NRG1: variants seen among roughly 807,000 people sequenced by gnomAD.
The protein encoded by NRG1 is pro-neuregulin-1, membrane-bound isoform.
In NRG1, 18 loss-of-function variants were observed where a neutral mutation model predicts 63.8. The observed-to-expected ratio is 0.28, with a 90% confidence interval of 0.19 to 0.42. The LOEUF (loss-of-function observed/expected upper bound fraction) is 0.42. Among genes scored for constraint, NRG1 ranks in the 10% least tolerant of loss-of-function variants. NRG1 has a pLI of 1.00. For synonymous variants in NRG1, 302 were observed against 301.3 expected (o/e 1.00, Z -0.02); for missense variants, 762 against 814.7 (o/e 0.94, Z 0.79).
At chr8:32,014,724 C>T (rs450488) in intron 1 of NRG1, among the ~76,000 whole-genome samples, 4 of 133,844 alleles carry the variant, frequency 3.0e-5, no homozygotes, top group East Asian at 2.2e-4. Flanking sequence ...AACCCCCCCC[C>T]AAAAAAGATG....
intron 1 of NRG1, among the ~76,000 whole-genome samples, chr8:32,032,502 G>A (rs1242282782): frequency 6.6e-6 from 1 of 152,178 alleles, no homozygotes; most frequent in Admixed American, 6.5e-5. Flanking sequence ...CTGACCTCAG[G>A]TGATCCACCT....
At chr8:32,361,636 C>T (rs7840327) in intron 1 of NRG1, among the ~76,000 whole-genome samples, 8,890 of 152,192 alleles carry the variant, frequency 0.058, 320 homozygotes, top group Middle Eastern at 0.099. Flanking sequence ...TACTTGGGTA[C>T]TTCCCCTTGG....
chr8:32,262,921 C>G (rs915920127), intron 1 of NRG1, among the ~76,000 whole-genome samples: 1 of 152,152 alleles, frequency 6.6e-6, no homozygotes, highest in African/African-American at 2.4e-5. Context: ...CTCATACCAT[C>G]CCTTTATCTA....
chr8:31,929,802 A>G (rs1314844667), intron 1 of NRG1, among the ~76,000 whole-genome samples: 1 of 152,154 alleles, frequency 6.6e-6, no homozygotes, highest in Non-Finnish European at 1.5e-5. Flanking sequence ...GTCTTACAAT[A>G]TATATATCAT....
At chr8:32,409,375 A>G (rs927959767) in intron 1 of NRG1, among the ~76,000 whole-genome samples, 5 of 152,220 alleles carry the variant, frequency 3.3e-5, no homozygotes, top group Admixed American at 2.6e-4. Context: ...CCCAAAAGCA[A>G]GCAAATGCAA....
At chr8:32,401,494 G>A (rs1813193943) in intron 1 of NRG1, among the ~76,000 whole-genome samples, 1 of 152,010 alleles carries the variant, frequency 6.6e-6, no homozygotes, top group Non-Finnish European at 1.5e-5. Context: ...CCACTGCTAT[G>A]TCCCTAACAC....
In NRG1 at chr8:32,628,681, A is replaced by G. The variant is rs148975503; in HGVS notation, c.502+11796A>G. Among the ~76,000 whole-genome samples the G allele has an allele frequency of 7.1e-3, 1,078 of 152,264 alleles. 11 individuals are homozygous for G. Among genetic ancestry groups the G allele is most frequent in the Non-Finnish European group, 0.012 (813 of 68,002 alleles). On this transcript the variant is annotated intron_variant, in intron 5 of 11. Coordinates refer to ENST00000356819, the Ensembl canonical transcript of NRG1. Reference sequence around the variant, plus strand: ...AAAAAAATGAAGAAAAATGGAAAGTAACATGCACTACATGTGTACACACAG... The same window carrying G: ...AAAAAAATGAAGAAAAATGGAAAGTGACATGCACTACATGTGTACACACAG...
chr8:31,906,219 T>C (rs1585652580), intron 1 of NRG1, among the ~76,000 whole-genome samples: 1 of 152,206 alleles, frequency 6.6e-6, no homozygotes, highest in Admixed American at 6.5e-5. Flanking sequence ...TGTGTGGCTG[T>C]TGTCAGGAAG....
intron 5 of NRG1, among the ~76,000 whole-genome samples, chr8:32,710,569 G>A (rs1273055968): frequency 1.3e-5 from 2 of 152,090 alleles, no homozygotes; most frequent in African/African-American, 4.8e-5. Flanking sequence ...AAAAAGTAAA[G>A]TGTGTATTTT....
intron 1 of NRG1, among the ~76,000 whole-genome samples, chr8:31,771,282 C>T (rs1174356554): frequency 2.6e-5 from 4 of 152,082 alleles, no homozygotes; most frequent in African/African-American, 7.2e-5. Flanking sequence ...TCCCATTCAG[C>T]GTAACACCTG....
At chr8:31,937,681 G>A (rs1023984661) in intron 1 of NRG1, among the ~76,000 whole-genome samples, 3 of 152,198 alleles carry the variant, frequency 2.0e-5, no homozygotes, top group Admixed American at 1.3e-4. Context: ...GGGGATGGTG[G>A]GAGTGAGACC....
intron 1 of NRG1, among the ~76,000 whole-genome samples, chr8:31,989,861 A>G (rs753265293): frequency 1.3e-5 from 2 of 152,040 alleles, no homozygotes; most frequent in Non-Finnish European, 1.5e-5. Flanking sequence ...GCTTGTTGAT[A>G]TATGTACTTT....
chr8:31,762,324 C>T (rs1430529933), intron 1 of NRG1, among the ~76,000 whole-genome samples: 1 of 152,130 alleles, frequency 6.6e-6, no homozygotes, highest in Non-Finnish European at 1.5e-5. Context: ...TTTTAGTTTG[C>T]TGAGGATGAT....
intron 1 of NRG1, among the ~76,000 whole-genome samples, chr8:32,232,797 T>C (rs1213843374): frequency 6.6e-6 from 1 of 152,116 alleles, no homozygotes; most frequent in Admixed American, 6.6e-5. Flanking sequence ...TCAGGATCCC[T>C]TACATAAAAA....
At chr8:31,736,674 A>G (rs1814701473) in intron 1 of NRG1, among the ~76,000 whole-genome samples, 1 of 149,944 alleles carries the variant, frequency 6.7e-6, no homozygotes. Flanking sequence ...TTAAAATACA[A>G]TAGATTGAAC....
At chr8:32,356,657 T>C (rs17633955) in intron 1 of NRG1, among the ~76,000 whole-genome samples, 15,134 of 152,190 alleles carry the variant, frequency 0.099, 1,018 homozygotes, top group South Asian at 0.15. Flanking sequence ...TTAGGGTCAA[T>C]CTTTAAAACT....
chr8:32,421,536 G>A (rs1165987636), intron 1 of NRG1, among the ~76,000 whole-genome samples: 1 of 152,090 alleles, frequency 6.6e-6, no homozygotes, highest in Admixed American at 6.6e-5. Flanking sequence ...GAAACAGCAG[G>A]GCTATTACCG....
In NRG1 at chr8:32,651,304, AT is replaced by A. The variant is rs1855071376; in HGVS notation, c.502+34424del. On this transcript the variant is annotated intron_variant, in intron 5 of 11. Coordinates refer to ENST00000356819, the Ensembl canonical transcript of NRG1. ...TTGGAATGAAAGTATATAAGTATATATTTTTATTCTAAAGTATTTCTAAATA... is the reference window on the plus strand; with the variant it reads ...TTGGAATGAAAGTATATAAGTATATATTTTATTCTAAAGTATTTCTAAATA... Among the ~76,000 whole-genome samples the A allele has an allele frequency of 2.6e-5, 4 of 152,258 alleles. 1 individual carries two copies. In the South Asian group the frequency reaches 8.3e-4, roughly 32 times the overall value.
intron 1 of NRG1, among the ~76,000 whole-genome samples, chr8:31,770,701 G>T (rs1212841069): frequency 1.3e-5 from 2 of 150,842 alleles, no homozygotes; most frequent in Non-Finnish European, 2.9e-5. Flanking sequence ...CACCAACATG[G>T]TGCATGTATA....
Sources: allele counts gnomAD v4.1 joint callset (sites outside exome capture counted in the v4.1 genomes callset), GRCh38; gene constraint gnomAD v4.1.1; transcripts MANE v1.5; gene names NCBI Gene and HGNC (gene_info 2026-07-23, HGNC 2026-07-21).